ANKUB1: variants seen among roughly 807,000 people sequenced by gnomAD.
ANKUB1 encodes the protein ankyrin repeat and ubiquitin domain containing 1, also known as protein ANKUB1.
ANKUB1 carries 42 observed loss-of-function variants against 49.3 expected under a neutral mutation model. The ratio of observed to expected loss-of-function variants is 0.85; its 90% CI spans 0.67 to 1.10. The LOEUF is 1.10. Among genes scored for constraint, ANKUB1 ranks in the 50% least tolerant of loss-of-function variants. The pLI is 0.00. For missense variants in ANKUB1, 613 were observed against 642.0 expected (o/e 0.95, Z 0.49); for synonymous variants, 222 against 231.0 (o/e 0.96, Z 0.35).
At chr3:149,776,180 G>T (rs1413267383) in intron 3 of ANKUB1, among the ~76,000 whole-genome samples, 1 of 152,028 alleles carries the variant, frequency 6.6e-6, no homozygotes, top group African/African-American at 2.4e-5. Context: ...TTTTATCTCA[G>T]AATTGTCTTT....
intron 3 of ANKUB1, 28 bp downstream of exon 3, chr3:149,780,211 A>T (rs1210616225): frequency 6.5e-7 from 1 of 1,537,004 alleles, no homozygotes; most frequent in Non-Finnish European, 8.8e-7. Flanking sequence ...GCCAAATGGT[A>T]GCTGATATCA....
At chr3:149,772,433 C>T (rs1212518132) in intron 3 of ANKUB1, among the ~76,000 whole-genome samples, 6 of 152,180 alleles carry the variant, frequency 3.9e-5, no homozygotes, top group Non-Finnish European at 5.9e-5. Context: ...CAGTCCTGCC[C>T]TATTTCAGGC....
chr3:149,768,183 T>A, intron 4 of ANKUB1, 88 bp from the exon 5 acceptor site: 3 of 924,862 alleles, frequency 3.2e-6, no homozygotes, highest in Non-Finnish European at 4.5e-6. Context: ...TGAAATATTC[T>A]AGTTGAATGT....
chr3:149,785,551 G>C (rs894565773), intron 2 of ANKUB1, among the ~76,000 whole-genome samples: 2 of 152,014 alleles, frequency 1.3e-5, no homozygotes, highest in Non-Finnish European at 2.9e-5. Context: ...GAGAATGATG[G>C]TTTCCAGCTT....
chr3:149,777,162 T>C (rs933352807), intron 3 of ANKUB1, among the ~76,000 whole-genome samples: 4 of 151,984 alleles, frequency 2.6e-5, no homozygotes, highest in African/African-American at 9.7e-5. Flanking sequence ...TGCTACCAGA[T>C]TAAACCTCTC....
chr3:149,788,666 T>C (rs1293133739), intron 2 of ANKUB1, among the ~76,000 whole-genome samples: 1 of 152,204 alleles, frequency 6.6e-6, no homozygotes, highest in East Asian at 1.9e-4. Flanking sequence ...TATATGATGC[T>C]TTATTGGCAG....
intron 3 of ANKUB1, among the ~76,000 whole-genome samples, chr3:149,771,814 C>T (rs1437547935): frequency 1.3e-5 from 2 of 152,222 alleles, no homozygotes; most frequent in Non-Finnish European, 2.9e-5. Flanking sequence ...TCCCAAGTCC[C>T]AATCTCCAGC....
chr3:149,772,883 G>A (rs1248787840), intron 3 of ANKUB1, among the ~76,000 whole-genome samples: 1 of 152,192 alleles, frequency 6.6e-6, no homozygotes, highest in Non-Finnish European at 1.5e-5. Context: ...TGGCCTTGGT[G>A]GTGTCTAAAC....
chr3:149,773,205 G>C (rs1425705588), intron 3 of ANKUB1, among the ~76,000 whole-genome samples: 1 of 152,018 alleles, frequency 6.6e-6, no homozygotes, highest in Non-Finnish European at 1.5e-5. Context: ...ACACGACAAA[G>C]GATATCTCCC....
Position 149,770,689 on chromosome 3 carries a change from A to G in ANKUB1, c.452-15T>C. On this transcript the variant is annotated splice_polypyrimidine_tract_variant and intron_variant, in intron 3 of 5. Transcript: ENST00000446160. ...AAGTGTTGTGCCTGTGGATCAAGAG[A>G]GGTGGTTTATGGTTCCAGTCCAGCA... 6.7e-7 allele frequency: 1 copy of G among 1,500,792 alleles called. No homozygotes were observed. Among genetic ancestry groups the G allele is most frequent in the Non-Finnish European group, 9.0e-7 (1 of 1,107,672 alleles). 93.0% of individuals were successfully genotyped at this position (1,500,792 alleles called of 1,614,324 possible).
At chr3:149,782,817 G>C (rs749992333) in intron 2 of ANKUB1, among the ~76,000 whole-genome samples, 4 of 152,210 alleles carry the variant, frequency 2.6e-5, no homozygotes, top group Admixed American at 2.6e-4. Flanking sequence ...TGGGATTACA[G>C]GAGTGAGCTT....
chr3:149,761,339 GTGTTA>G lies in ANKUB1; in HGVS notation c.*140_*144del, dbSNP rs1332006531. The G allele has an allele frequency of 2.2e-6, 2 of 909,972 alleles. No homozygotes were observed. Among genetic ancestry groups the G allele is most frequent in the African/African-American group, 3.4e-5 (2 of 59,336 alleles). 56.4% of individuals were successfully genotyped at this position (909,972 alleles called of 1,614,324 possible). A position where few individuals can be genotyped will look rare whatever the true frequency, so the allele number is the denominator to read the frequency against. On this transcript the variant is annotated 3_prime_UTR_variant, in exon 6 of 6. Coordinates refer to ENST00000446160, the MANE Select transcript of ANKUB1 (RefSeq NM_001144960.3). The stretch of plus-strand genomic sequence containing the variant: ...GTGTGATGAAGTCTGAGAAAACATG[GTGTTA>G]AATATCCTATTAAAAGTTATGTGGC...
intron 3 of ANKUB1, among the ~76,000 whole-genome samples, chr3:149,770,995 G>T (rs1476485774): frequency 1.3e-5 from 2 of 152,192 alleles, no homozygotes; most frequent in Non-Finnish European, 2.9e-5. Flanking sequence ...GTAAACTGAA[G>T]CCATTATATT....
chr3:149,779,798 G>A (rs1717772217), intron 3 of ANKUB1: 1 of 165,004 alleles, frequency 6.1e-6, no homozygotes, highest in Non-Finnish European at 1.3e-5. Context: ...AATCTGCTTT[G>A]AGAACAAGAC....
At chr3:149,790,727 C>G in intron 2 of ANKUB1, 54 bp downstream of exon 2, 1 of 1,486,906 alleles carries the variant, frequency 6.7e-7, no homozygotes. Flanking sequence ...TTATCCCCAA[C>G]TTTATTCAAA....
chr3:149,767,419 A>G lies in ANKUB1; in HGVS notation c.1243T>C (p.Ser415Pro). The G allele has an allele frequency of 6.4e-7, 1 of 1,551,684 alleles. No individual in the cohort carries two copies. Among genetic ancestry groups the G allele is most frequent in the Non-Finnish European group, 8.7e-7 (1 of 1,146,980 alleles). ...LKFHPLVNAS[S>P]FSELQKHQQQ... is the part of the protein sequence containing the mutation. ...TGATGTTTTTGTAATTCAGAGAATG[A>G]ACTTGCATTCACCAGTGGATGAAAT... is the stretch of plus-strand genomic sequence containing the variant. Residue 415 changes from serine to proline, a missense_variant, in exon 5 of 6, where the codon TCA (serine) becomes CCA (proline). By Grantham distance (74) the Ser-to-Pro change is moderately conservative (BLOSUM62 -1). Coordinates refer to ENST00000446160, the MANE Select transcript of ANKUB1 (RefSeq NM_001144960.3).
chr3:149,786,557 T>C (rs928721062), intron 2 of ANKUB1, among the ~76,000 whole-genome samples: 3 of 152,238 alleles, frequency 2.0e-5, no homozygotes, highest in Non-Finnish European at 2.9e-5. Context: ...TGGTAGTTTC[T>C]TTTGCTGTGC....
chr3:149,786,305 G>C (rs1036000427), intron 2 of ANKUB1, among the ~76,000 whole-genome samples: 8 of 152,208 alleles, frequency 5.3e-5, no homozygotes, highest in Admixed American at 2.6e-4. Context: ...AAAGTGCTGG[G>C]ATTACAGGCG....
At chr3:149,783,304 T>C (rs1452996222) in intron 2 of ANKUB1, 3 of 152,230 alleles carry the variant, frequency 2.0e-5, no homozygotes, top group African/African-American at 7.2e-5. Flanking sequence ...AGAAGGCTGG[T>C]CAGTCACAAC....
Sources: gnomAD v4.1 joint callset for allele counts (sites outside exome capture counted in the v4.1 genomes callset) on GRCh38, gnomAD v4.1.1 for gene constraint, MANE v1.5 for transcripts, NCBI Gene and HGNC (gene_info 2026-07-23, HGNC 2026-07-21) for gene names.